The following EEF1AKMT2 variants were observed in gnomAD, a reference collection of about 807,000 sequenced individuals.
The protein encoded by EEF1AKMT2 is EEF1A lysine methyltransferase 2.
Under a neutral mutation model 35.8 loss-of-function variants are expected in EEF1AKMT2, and 32 were observed. The ratio of observed to expected loss-of-function variants is 0.89; its 90% CI spans 0.67 to 1.20. The LOEUF is 1.20. Ranked by LOEUF, EEF1AKMT2 falls within the 50% of genes most tolerant of loss-of-function variation. The probability of loss-of-function intolerance (pLI) is 0.00; values close to 1 mark genes in which losing one functional copy is unlikely to be tolerated. For missense variants in EEF1AKMT2, 330 were observed against 347.5 expected (o/e 0.95, Z 0.40); for synonymous variants, 121 against 133.7 (o/e 0.91, Z 0.65).
intron 3 of EEF1AKMT2, among the ~76,000 whole-genome samples, chr10:124,776,475 G>T (rs747467838): frequency 6.6e-6 from 1 of 152,132 alleles, no homozygotes; most frequent in East Asian, 1.9e-4. Flanking sequence ...TTCTAGCAGA[G>T]AACTGAAAAC....
chr10:124,774,847 A>C (rs1036788660), intron 3 of EEF1AKMT2, 65 bp from the exon 4 acceptor site: 17 of 779,086 alleles, frequency 2.2e-5, no homozygotes, highest in Non-Finnish European at 3.0e-5. Context: ...TATGAATTAT[A>C]ATATTCCTTT....
At chr10:124,768,637 C>T (rs1950401460) in intron 4 of EEF1AKMT2, among the ~76,000 whole-genome samples, 1 of 152,096 alleles carries the variant, frequency 6.6e-6, no homozygotes, top group South Asian at 2.1e-4. Flanking sequence ...GTAGTCCCAG[C>T]TACTTGGGAG....
At chr10:124,757,452 G>A (rs1023475775), downstream of EEF1AKMT2, among the ~76,000 whole-genome samples, 7 of 151,978 alleles carry the variant, frequency 4.6e-5, no homozygotes, top group East Asian at 1.9e-4. Flanking sequence ...GAACATAGAC[G>A]AAAGTCATTA....
chr10:124,779,335 G>A (rs1950516326), intron 3 of EEF1AKMT2, among the ~76,000 whole-genome samples: 1 of 152,154 alleles, frequency 6.6e-6, no homozygotes, highest in Middle Eastern at 3.2e-3. Flanking sequence ...GTTTCACCAT[G>A]TTGCCCAGGC....
intron 1 of EEF1AKMT2, among the ~76,000 whole-genome samples, chr10:124,791,273 C>A (rs1950631973): frequency 6.6e-6 from 1 of 152,098 alleles, no homozygotes; most frequent in African/African-American, 2.4e-5. Context: ...CCCGCTCCCG[C>A]CTCGGGTCAT....
At position 124,759,531 on chromosome 10, in the gene EEF1AKMT2, A is replaced by G. The variant is rs1950312169; in HGVS notation, c.*972T>C. 1 of 152,250 alleles carries G rather than the reference A, an allele frequency of 6.6e-6. No individual in the cohort carries two copies. The highest frequency in any genetic ancestry group is 2.4e-5 in the African/African-American group (1 of 41,456). The allele number at this position is 152,250 out of a possible 1,614,324, so 9.4% of individuals were successfully genotyped here. ...TGTAAATGCTACAAAGGCAAAGACT[A>G]AGCACCTGTGAGGCAGAATATGCTA... On this transcript the variant is annotated 3_prime_UTR_variant, in exon 7 of 7. Coordinates refer to ENST00000368836, the MANE Select transcript of EEF1AKMT2 (RefSeq NM_212554.4).
At chr10:124,788,277 C>T (rs1439357549) in intron 3 of EEF1AKMT2, among the ~76,000 whole-genome samples, 2 of 152,098 alleles carry the variant, frequency 1.3e-5, no homozygotes, top group African/African-American at 4.8e-5. Flanking sequence ...CCTACCCCTC[C>T]ACTCCAAAAT....
rs374446725 is a variant in EEF1AKMT2 at position 124,759,483 on chromosome 10, T to G, written c.*1020A>C. The G allele has an allele frequency of 1.3e-5, 2 of 152,340 alleles. No homozygotes were observed. Among genetic ancestry groups the G allele is most frequent in the East Asian group, 3.9e-4 (2 of 5,184 alleles). 9.4% of individuals were successfully genotyped at this position (152,340 alleles called of 1,614,324 possible). A position where few individuals can be genotyped will look rare whatever the true frequency, so the allele number is the denominator to read the frequency against. ...TTTTCTAACTGAACTTTATATGTAATCATCATGGGTCTCCAGCTGTACTGT... is the reference window on the plus strand; with the variant it reads ...TTTTCTAACTGAACTTTATATGTAAGCATCATGGGTCTCCAGCTGTACTGT... On this transcript the variant is annotated 3_prime_UTR_variant, in exon 7 of 7. Coordinates refer to ENST00000368836, the MANE Select transcript of EEF1AKMT2 (RefSeq NM_212554.4).
chr10:124,763,098 T>C (rs1233508730), intron 5 of EEF1AKMT2, among the ~76,000 whole-genome samples: 1 of 152,194 alleles, frequency 6.6e-6, no homozygotes, highest in Non-Finnish European at 1.5e-5. Flanking sequence ...TAAATTTGAA[T>C]TACTTTTTCT....
downstream of EEF1AKMT2, among the ~76,000 whole-genome samples, chr10:124,756,270 TTTC>T (rs1315694318): frequency 3.3e-5 from 5 of 152,250 alleles, no homozygotes; most frequent in African/African-American, 9.6e-5. Context: ...TGGCTTTTTA[TTTC>T]TTCTTCTAAC....
intron 4 of EEF1AKMT2, among the ~76,000 whole-genome samples, chr10:124,768,596 G>C (rs866343749): frequency 6.6e-6 from 1 of 151,938 alleles, no homozygotes. Flanking sequence ...AAAATACGAA[G>C]AAAATTAGCT....
intron 4 of EEF1AKMT2, among the ~76,000 whole-genome samples, chr10:124,773,403 T>A (rs1950456862): frequency 6.6e-6 from 1 of 152,140 alleles, no homozygotes; most frequent in Non-Finnish European, 1.5e-5. Context: ...GGCTATTTTT[T>A]GTACTTTTGG....
rs1950629244 is a variant in EEF1AKMT2, at chr10:124,790,983, TC to T, written c.111-646del. 2.0e-5 allele frequency among the ~76,000 whole-genome samples: 3 copies of T among 152,158 alleles called. No individual in the cohort carries two copies. The South Asian group carries it at 6.2e-4, about 32-fold the overall frequency. ...TTTCACCATGTTGGTCAGGCTGGTC[TC>T]GATCTCCTGACCTTGTGCTCCGCCC... is the stretch of plus-strand genomic sequence containing the variant. On this transcript the variant is annotated intron_variant, in intron 1 of 6. Coordinates refer to ENST00000368836, the MANE Select transcript of EEF1AKMT2 (RefSeq NM_212554.4).
intron 4 of EEF1AKMT2, among the ~76,000 whole-genome samples, chr10:124,770,120 T>TA (rs35451074): frequency 0.01 from 1,530 of 151,778 alleles, 9 homozygotes; most frequent in Middle Eastern, 0.021. Context: ...TCGTCTCTAC[T>TA]AAAAAAATAC....
At chr10:124,774,559 A>C (rs535826505) in intron 4 of EEF1AKMT2, 116 bp downstream of exon 4, 1 of 523,898 alleles carries the variant, frequency 1.9e-6, no homozygotes, top group South Asian at 7.6e-5. Flanking sequence ...AAAATGTTTC[A>C]ATTTGTATTA....
At position 124,790,316 on chromosome 10, in the gene EEF1AKMT2, C is replaced by T. The variant is rs774809527; in HGVS notation, c.133G>A (p.Glu45Lys). 12 of 1,612,208 alleles carry T rather than the reference C, an allele frequency of 7.4e-6. 1 individual carries two copies. In the South Asian group the frequency reaches 1.3e-4, roughly 18 times the overall value. Residue 45 changes from glutamate (E) to lysine (K), a missense_variant, in exon 2 of 7, where the codon GAA (glutamate) becomes AAA (lysine). Coordinates refer to ENST00000368836, the MANE Select transcript of EEF1AKMT2 (RefSeq NM_212554.4). ...CCATATTCTCGGAAAGTTTGCAGTT[C>T]TCTCTCATAGACAGCATCCCAACTA... is the stretch of plus-strand genomic sequence containing the variant. Reference protein sequence around the residue: ...REHWDAVYERELQTFREYGDT... With the variant: ...REHWDAVYERKLQTFREYGDT...
At position 124,759,847 on chromosome 10, in the gene EEF1AKMT2, G is replaced by A. The variant is rs969282225; in HGVS notation, c.*656C>T. ...CTGCAAAATGCAGGCTTGATAACTTGAGCAACTGATACATTTCTCTGATTT... is the reference window on the plus strand; with the variant it reads ...CTGCAAAATGCAGGCTTGATAACTTAAGCAACTGATACATTTCTCTGATTT... On this transcript the variant is annotated 3_prime_UTR_variant, in exon 7 of 7. Transcript: ENST00000368836. The A allele has an allele frequency of 1.3e-5, 2 of 152,246 alleles. No individual in the cohort carries two copies. Among genetic ancestry groups the A allele is most frequent in the African/African-American group, 4.8e-5 (2 of 41,442 alleles). The allele number at this position is 152,246 out of a possible 1,614,324, so 9.4% of individuals were successfully genotyped here.
chr10:124,759,616 G>A lies in EEF1AKMT2; in HGVS notation c.*887C>T, dbSNP rs1422659008. On this transcript the variant is annotated 3_prime_UTR_variant, in exon 7 of 7. Transcript: ENST00000368836. ...CAGATAAAAATCCTGGCTCCATCCT[G>A]TACTGTTGAACCTCATAAAAGTGAC... 6.6e-6 allele frequency: 1 copy of A among 152,162 alleles called. No individual in the cohort carries two copies. Among genetic ancestry groups the A allele is most frequent in the African/African-American group, 2.4e-5 (1 of 41,442 alleles). 9.4% of individuals were successfully genotyped at this position (152,162 alleles called of 1,614,324 possible).
chr10:124,775,119 T>G (rs1310841383), intron 3 of EEF1AKMT2, among the ~76,000 whole-genome samples: 1 of 152,226 alleles, frequency 6.6e-6, no homozygotes, highest in African/African-American at 2.4e-5. Flanking sequence ...CATAAATTTG[T>G]CATATATTTT....
Sources: allele counts gnomAD v4.1 joint callset (sites outside exome capture counted in the v4.1 genomes callset), GRCh38; gene constraint gnomAD v4.1.1; transcripts MANE v1.5; gene names NCBI Gene and HGNC (gene_info 2026-07-23, HGNC 2026-07-21).